The following PRDM15 variants were observed in gnomAD, a reference collection of about 807,000 sequenced individuals.
The protein encoded by PRDM15 is PR/SET domain 15, also known as PR domain zinc finger protein 15.
PRDM15 carries 64 observed loss-of-function variants against 128.6 expected under a neutral mutation model. The ratio of observed to expected loss-of-function variants is 0.50; its 90% CI spans 0.41 to 0.61. PRDM15 has a LOEUF of 0.61. Among genes scored for constraint, PRDM15 ranks in the 20% least tolerant of loss-of-function variants. The pLI is 0.00. For missense variants in PRDM15, 1,242 were observed against 1,569.1 expected (o/e 0.79, Z 3.52); for synonymous variants, 615 against 621.8 (o/e 0.99, Z 0.16).
chr21:41,839,102 G>A (rs2062987852), intron 7 of PRDM15, among the ~76,000 whole-genome samples: 1 of 152,170 alleles, frequency 6.6e-6, no homozygotes, highest in African/African-American at 2.4e-5. Context: ...CCCAACTGAG[G>A]ATACTGCACA....
rs1029941176 is a variant in PRDM15 at position 41,832,700 on chromosome 21, T to C, written c.1366+2737A>G. Among the ~76,000 whole-genome samples, 1 of 152,104 alleles carries C rather than the reference T, an allele frequency of 6.6e-6. No individual in the cohort carries two copies. The highest frequency in any genetic ancestry group is 1.5e-5 in the Non-Finnish European group (1 of 68,010). ...CCAGGCAGGTACCAACCAATACAAGTGAGCCCCCCTCCCAGGCAGGTGCAA... is the reference window on the plus strand; with the variant it reads ...CCAGGCAGGTACCAACCAATACAAGCGAGCCCCCCTCCCAGGCAGGTGCAA... On this transcript the variant is annotated intron_variant, in intron 11 of 23. Transcript: ENST00000398548. The surrounding 1 kb of genome is among the most constrained non-coding windows in gnomAD (Gnocchi z 4.2).
At position 41,810,108 on chromosome 21, in the gene PRDM15, C is replaced by A. The variant is rs148154537; in HGVS notation, c.2652+46G>T. 2 of 1,566,984 alleles carry A rather than the reference C, an allele frequency of 1.3e-6. No individual in the cohort carries two copies. The highest frequency in any genetic ancestry group is 1.3e-5 in the African/African-American group (1 of 74,300). On this transcript the variant is annotated intron_variant, in intron 21 of 23. Transcript: ENST00000398548. This position sits in a 1 kb window ranked among gnomAD's most constrained non-coding sequence, Gnocchi z 6.4. ...TGTGCCAGCATGGGGGTGTCCGGTG[C>A]GCGGCCCGCTGGCGGGGCACGGAGG...
At chr21:41,871,629 C>T in intron 1 of PRDM15, 2 of 1,604,158 alleles carry the variant, frequency 1.2e-6, no homozygotes, top group East Asian at 2.2e-5. Context: ...GACCTGTAGG[C>T]CAACAGTGGG....
intron 1 of PRDM15, chr21:41,878,802 G>C (rs745865173): frequency 2.4e-6 from 3 of 1,255,838 alleles, no homozygotes; most frequent in African/African-American, 3.2e-5. Context: ...CTGGGGCCTC[G>C]GCGACGACGC....
In PRDM15 at chr21:41,871,599, C is replaced by A. The variant is rs547995379; in HGVS notation, c.-10+7671G>T. On this transcript the variant is annotated intron_variant, in intron 1 of 23. Coordinates refer to ENST00000398548, the MANE Select transcript of PRDM15 (RefSeq NM_001040424.3). ...GATGTTTCCAAGAGCTGCTCACTGACCCTCTGGTTCCCAATCTGGGACCTG... is the reference window on the plus strand; with the variant it reads ...GATGTTTCCAAGAGCTGCTCACTGAACCTCTGGTTCCCAATCTGGGACCTG... 29 of 1,610,578 alleles carry A rather than the reference C, an allele frequency of 1.8e-5. No homozygotes were observed. The highest frequency in any genetic ancestry group is 2.5e-5 in the Non-Finnish European group (29 of 1,177,872).
At chr21:41,836,447 A>G (rs2062896698) in intron 9 of PRDM15, 21 bp downstream of exon 9, 1 of 1,598,630 alleles carries the variant, frequency 6.3e-7, no homozygotes, top group South Asian at 1.1e-5. Flanking sequence ...CCCGGGCGCC[A>G]GCCGGGCCTC....
rs1240177792 is a variant in PRDM15 at position 41,847,166 on chromosome 21, G to C, written c.564C>G (p.Ala188=). 6.4e-7 allele frequency: 1 copy of C among 1,554,176 alleles called. No homozygotes were observed. The highest frequency in any genetic ancestry group is 2.0e-5 in the Admixed American group (1 of 51,174). The change falls in exon 6 of 24, where the codon GCC becomes GCG. Residue 188 remains alanine (A), a synonymous_variant. Coordinates refer to ENST00000398548, the MANE Select transcript of PRDM15 (RefSeq NM_001040424.3). ...VHAAGTPENS[A]PVESEPSQWA... ...ACTGGCTGGGCTCCGACTCCACGGG[G>C]GCGCTGTTTTCTGGGGTGCCTGCAG...
intron 5 of PRDM15, among the ~76,000 whole-genome samples, chr21:41,852,289 CGGCGT>C (rs1301935079): frequency 2.0e-5 from 3 of 152,262 alleles, no homozygotes; most frequent in African/African-American, 7.2e-5. Flanking sequence ...ACCCAAACCC[CGGCGT>C]GGCTGCAGTC....
chr21:41,810,379 C>A lies in PRDM15; in HGVS notation c.2477-50G>T. 6.4e-7 allele frequency: 1 copy of A among 1,570,098 alleles called. No homozygotes were observed. The highest frequency in any genetic ancestry group is 1.2e-5 in the South Asian group (1 of 85,494). On this transcript the variant is annotated intron_variant, in intron 20 of 23. Transcript: ENST00000398548. This position sits in a 1 kb window ranked among gnomAD's most constrained non-coding sequence, Gnocchi z 6.4. ...ATGCGCGTGGAAAGGAAGAGACACG[C>A]AGGTCACTAGTGCAGCCATCCCAAT...
At chr21:41,878,695 C>G (rs1012355725) in intron 1 of PRDM15, 3 of 1,565,848 alleles carry the variant, frequency 1.9e-6, no homozygotes, top group Non-Finnish European at 2.6e-6. Context: ...ACCCCATCAC[C>G]AGGACTCAGC....
Position 41,859,367 on chromosome 21 carries a change from T to C in PRDM15, c.131+225A>G, listed in dbSNP as rs1339394319. The C allele has an allele frequency of 1.2e-6, 1 of 831,518 alleles. No homozygotes were observed. The highest frequency in any genetic ancestry group is 1.9e-6 in the Non-Finnish European group (1 of 529,980). 51.5% of individuals were successfully genotyped at this position (831,518 alleles called of 1,614,324 possible). On this transcript the variant is annotated intron_variant, in intron 3 of 23. Transcript: ENST00000398548. The surrounding 1 kb of genome is among the most constrained non-coding windows in gnomAD (Gnocchi z 5.3). ...ACAGCTGGGCTCCAGCTAAGAACCC[T>C]GGAGTGGATCAAAGAAACTCACTCT...
intron 1 of PRDM15, among the ~76,000 whole-genome samples, chr21:41,872,428 C>A (rs143096037): frequency 6.6e-6 from 1 of 152,310 alleles, no homozygotes; most frequent in African/African-American, 2.4e-5. Flanking sequence ...GCTGCCCTAA[C>A]AAGTTCATTA....
chr21:41,813,114 A>C (rs1601146927), intron 19 of PRDM15: 1 of 152,304 alleles, frequency 6.6e-6, no homozygotes, highest in East Asian at 1.9e-4. Flanking sequence ...ACTGATGGGG[A>C]GGTGGACCCT....
chr21:41,874,525 A>ATATATTTTTTTT lies in PRDM15; in HGVS notation c.-10+4744_-10+4745insAAAAAAAATATA. On this transcript the variant is annotated intron_variant, in intron 1 of 23. Coordinates refer to ENST00000398548, the MANE Select transcript of PRDM15 (RefSeq NM_001040424.3). The stretch of plus-strand genomic sequence containing the variant: ...TGCATATATATATATATATATATAT[A>ATATATTTTTTTT]TTTTTTTTTTTTTTTGAAACTTACA... 5.6e-3 allele frequency among the ~76,000 whole-genome samples: 540 copies of ATATATTTTTTTT among 95,730 alleles called. 5 individuals carry two copies. Among genetic ancestry groups the ATATATTTTTTTT allele is most frequent in the Non-Finnish European group, 8.2e-3 (412 of 50,044 alleles). 62.8% of individuals were successfully genotyped at this position (95,730 alleles called of 152,430 possible). A position where few individuals can be genotyped will look rare whatever the true frequency, so the allele number is the denominator to read the frequency against.
intron 18 of PRDM15, among the ~76,000 whole-genome samples, chr21:41,818,358 C>T (rs534721741): frequency 7.9e-5 from 12 of 152,340 alleles, no homozygotes; most frequent in South Asian, 4.1e-4. Context: ...AGTGGCTCTG[C>T]GAGGACCGGC....
chr21:41,875,002 C>T, intron 1 of PRDM15: 1 of 152,724 alleles, frequency 6.5e-6, no homozygotes. Flanking sequence ...CTTTGGGGGG[C>T]CAAGACGGGA....
At chr21:41,836,284 C>A in intron 9 of PRDM15, 77 bp from the exon 10 acceptor site, 2 of 1,407,988 alleles carry the variant, frequency 1.4e-6, no homozygotes, top group South Asian at 1.2e-5. Context: ...CGGGGAAATG[C>A]CCCACAAGCC....
chr21:41,872,860 A>T (rs1215518776), intron 1 of PRDM15, among the ~76,000 whole-genome samples: 1 of 152,234 alleles, frequency 6.6e-6, no homozygotes, highest in Admixed American at 6.5e-5. Flanking sequence ...AGGGGTTTAT[A>T]GCCAGTTTAT....
At chr21:41,871,023 ATAAAG>A (rs2064189217) in intron 1 of PRDM15, 1 of 153,344 alleles carries the variant, frequency 6.5e-6, no homozygotes, top group Non-Finnish European at 1.5e-5. Flanking sequence ...TTACTGTCTC[ATAAAG>A]TAGTGTTAAA....
Sources: gnomAD v4.1 joint callset for allele counts (sites outside exome capture counted in the v4.1 genomes callset) on GRCh38, gnomAD v4.1.1 for gene constraint, Gnocchi (gnomAD v3.1) non-coding constraint, MANE v1.5 for transcripts, NCBI Gene and HGNC (gene_info 2026-07-23, HGNC 2026-07-21) for gene names.